Variants in LONP2 observed in about 807,000 individuals in gnomAD.
The protein encoded by LONP2 is lon peptidase 2, peroxisomal.
A neutral mutation model predicts 85.6 loss-of-function variants in LONP2; 60 were observed. The observed-to-expected ratio is 0.70, with a 90% CI of 0.57 to 0.87. LONP2 has a LOEUF of 0.87. LONP2 is among the 40% of genes least tolerant of loss of function. The pLI, the probability that LONP2 is intolerant of heterozygous loss-of-function variation, is 0.00. For synonymous variants in LONP2, 395 were observed against 389.7 expected, an observed-to-expected ratio of 1.01 and a Z score of -0.16; for missense variants, 860 against 1,063.5, an observed-to-expected ratio of 0.81 and a Z score of 2.66.
At chr16:48,310,445 A>G (rs9925591) in intron 11 of LONP2, among the ~76,000 whole-genome samples, 31,549 of 151,658 alleles carry the variant, frequency 0.21, 4,043 homozygotes, top group African/African-American at 0.36. Flanking sequence ...TCCACCTCCC[A>G]AGTTCAAGCG....
rs138013394 is a variant in LONP2, at chr16:48,303,845, A to G, written c.1795+540A>G. ...TATTCGAGGGCAAGAAGCATCCAGC[A>G]CGGGAGAAAGCTGAAGGCCAGAAGA... On this transcript the variant is annotated intron_variant, in intron 11 of 14. Transcript: ENST00000285737. Among the ~76,000 whole-genome samples the G allele has an allele frequency of 6.0e-3, 919 of 152,318 alleles. 12 individuals carry two copies. The highest frequency in any genetic ancestry group is 0.021 in the African/African-American group (890 of 41,560).
intron 12 of LONP2, 70 bp downstream of exon 12, chr16:48,334,428 G>A (rs1008106879): frequency 2.4e-5 from 37 of 1,566,432 alleles, no homozygotes; most frequent in Middle Eastern, 1.7e-4. Flanking sequence ...CCCCAGGGCC[G>A]TAGGGCCTGG....
intron 4 of LONP2, among the ~76,000 whole-genome samples, chr16:48,259,304 C>T (rs2150967978): frequency 1.3e-5 from 2 of 152,222 alleles, no homozygotes; most frequent in Admixed American, 1.3e-4. Context: ...ATTTTGAAGA[C>T]AGCAGTTGTA....
downstream of LONP2, chr16:48,361,503 T>C (rs1960592248): frequency 2.7e-6 from 4 of 1,471,640 alleles, no homozygotes; most frequent in East Asian, 9.1e-5. Flanking sequence ...GAGTTTTAGG[T>C]TGGCAGACAG....
chr16:48,276,254 A>AT (rs1157907466), intron 7 of LONP2, among the ~76,000 whole-genome samples: 2 of 152,094 alleles, frequency 1.3e-5, no homozygotes, highest in Non-Finnish European at 2.9e-5. Context: ...TTCCCATGAT[A>AT]TTTTTAAGGC....
chr16:48,295,032 A>G (rs1447276672), intron 8 of LONP2, among the ~76,000 whole-genome samples: 1 of 152,182 alleles, frequency 6.6e-6, no homozygotes, highest in Non-Finnish European at 1.5e-5. Flanking sequence ...AAGCTCTTTA[A>G]TGTACAGTTG....
intron 8 of LONP2, among the ~76,000 whole-genome samples, chr16:48,293,185 T>C (rs1972591535): frequency 6.6e-6 from 1 of 152,112 alleles, no homozygotes; most frequent in Non-Finnish European, 1.5e-5. Flanking sequence ...TCCCAGCACT[T>C]TGGGAGGCCG....
chr16:48,292,746 TAC>T (rs2150993020), intron 8 of LONP2, among the ~76,000 whole-genome samples: 1 of 152,368 alleles, frequency 6.6e-6, no homozygotes, highest in South Asian at 2.1e-4. Context: ...GCTGTTTCTG[TAC>T]ACTCTTTGTT....
At chr16:48,264,219 G>A (rs1357554998) in intron 6 of LONP2, among the ~76,000 whole-genome samples, 1 of 152,090 alleles carries the variant, frequency 6.6e-6, no homozygotes, top group Non-Finnish European at 1.5e-5. Flanking sequence ...TTATTAGATG[G>A]GAATTTCCTC....
At chr16:48,343,071 G>A (rs1959861419) in intron 12 of LONP2, among the ~76,000 whole-genome samples, 1 of 152,214 alleles carries the variant, frequency 6.6e-6, no homozygotes, top group Middle Eastern at 3.2e-3. Flanking sequence ...AGGGACGCTT[G>A]CCTCTTCAGA....
At position 48,357,187 on chromosome 16, in the gene LONP2, A is replaced by G. The variant is rs1473305126; in HGVS notation, c.*5385A>G. 6.6e-6 allele frequency: 1 copy of G among 152,232 alleles called. No individual in the cohort carries two copies. Among genetic ancestry groups the G allele is most frequent in the Non-Finnish European group, 1.5e-5 (1 of 68,052 alleles). The allele number at this position is 152,232 out of a possible 1,614,324, so 9.4% of individuals were successfully genotyped here. On this transcript the variant is annotated 3_prime_UTR_variant, in exon 15 of 15. Coordinates refer to ENST00000285737, the MANE Select transcript of LONP2 (RefSeq NM_031490.5). ...CCCTTTTGTGGAGGAGGGACCAGGC[A>G]GAGAAGGTATTTAAATAAAAACTGG...
At chr16:48,273,926 G>A (rs1228070878) in intron 7 of LONP2, among the ~76,000 whole-genome samples, 5 of 152,096 alleles carry the variant, frequency 3.3e-5, no homozygotes, top group Non-Finnish European at 7.4e-5. Flanking sequence ...ATGAACTTGT[G>A]ATTTCCACAT....
At chr16:48,332,747 C>T (rs1307523896) in intron 11 of LONP2, among the ~76,000 whole-genome samples, 2 of 151,296 alleles carry the variant, frequency 1.3e-5, no homozygotes, top group African/African-American at 4.9e-5. Flanking sequence ...CACATACACA[C>T]ACACACAAAC....
At chr16:48,323,578 A>C (rs1030171209) in intron 11 of LONP2, among the ~76,000 whole-genome samples, 4 of 151,832 alleles carry the variant, frequency 2.6e-5, no homozygotes, top group South Asian at 2.1e-4. Flanking sequence ...GAATCACATG[A>C]GCCTGGGAGG....
intron 11 of LONP2, among the ~76,000 whole-genome samples, chr16:48,325,720 A>G (rs1973355634): frequency 6.6e-6 from 1 of 152,262 alleles, no homozygotes; most frequent in African/African-American, 2.4e-5. Flanking sequence ...TGCAACAAAC[A>G]TGGAAGTGCA....
At position 48,250,580 on chromosome 16, in the gene LONP2, A is replaced by G. The variant is rs1473055654; in HGVS notation, c.234-1551A>G. The stretch of plus-strand genomic sequence containing the variant: ...ATTTGTCTCCTGATCGGAGATTTGG[A>G]TTTGTCTCATCTCTCTTTCTGGTTC... On this transcript the variant is annotated intron_variant, in intron 1 of 14. Coordinates refer to ENST00000285737, the MANE Select transcript of LONP2 (RefSeq NM_031490.5). Among the ~76,000 whole-genome samples, 9 of 151,844 alleles carry G rather than the reference A, an allele frequency of 5.9e-5. No individual in the cohort carries two copies. The East Asian group carries it at 1.7e-3, about 29-fold the overall frequency.
At position 48,258,722 on chromosome 16, in the gene LONP2, G is replaced by C. The variant is rs1333410320; in HGVS notation, c.705G>C (p.Lys235Asn). The part of the protein sequence containing the change: ...LKLLQKTRKP[K>N]QDDDKRVIAI... Reference sequence around the variant, plus strand: ...TGCTTCAAAAAACCAGAAAACCCAAGCAAGATGATGATAAGAGGGTAAATA... The same window carrying C: ...TGCTTCAAAAAACCAGAAAACCCAACCAAGATGATGATAAGAGGGTAAATA... The change falls in exon 4 of 15, where the codon AAG becomes AAC. Residue 235 changes from lysine to asparagine, a missense_variant. By Grantham distance (94) the Lys-to-Asn change is moderately conservative (BLOSUM62 0). Around this residue, in one of 3 missense-constraint regions of LONP2, gnomAD observed 743 missense variants for 917.3 expected, o/e 0.81. Coordinates refer to ENST00000285737, the MANE Select transcript of LONP2 (RefSeq NM_031490.5). 1.9e-6 allele frequency: 3 copies of C among 1,609,700 alleles called. No homozygotes were observed. Among genetic ancestry groups the C allele is most frequent in the Non-Finnish European group, 1.7e-6 (2 of 1,178,342 alleles).
intron 1 of LONP2, among the ~76,000 whole-genome samples, chr16:48,250,493 C>CA (rs941055834): frequency 1.3e-5 from 2 of 149,216 alleles, no homozygotes; most frequent in African/African-American, 5.0e-5. Context: ...AAAAAAAAAA[C>CA]AAAAAACAAA....
intron 8 of LONP2, among the ~76,000 whole-genome samples, chr16:48,290,427 C>A (rs1434900108): frequency 1.3e-5 from 2 of 152,102 alleles, no homozygotes; most frequent in Non-Finnish European, 2.9e-5. Context: ...TGTATCAGAT[C>A]CTACGGGTTG....
Sources: gnomAD v4.1 joint callset for allele counts (sites outside exome capture counted in the v4.1 genomes callset) on GRCh38, gnomAD v4.1.1 for gene constraint, gnomAD v4.1.1 regional missense constraint, MANE v1.5 for transcripts, NCBI Gene and HGNC (gene_info 2026-07-23, HGNC 2026-07-21) for gene names.